MEGF10: variants seen among roughly 807,000 people sequenced by gnomAD.
MEGF10 encodes the protein multiple epidermal growth factor-like domains protein 10.
Under a neutral mutation model 147.5 loss-of-function variants are expected in MEGF10, and 86 were observed. That is an observed-to-expected ratio of 0.58 (90% CI 0.49 to 0.70). The LOEUF (loss-of-function observed/expected upper bound fraction) is 0.70, where lower values mean the gene tolerates loss of function less well. Ranked by LOEUF, MEGF10 falls within the 30% of genes least tolerant of loss-of-function variation. MEGF10 has a pLI of 0.00. For missense variants in MEGF10, 1,329 were observed against 1,487.3 expected, an observed-to-expected ratio of 0.89 and a Z score of 1.75; for synonymous variants, 478 against 525.5, an observed-to-expected ratio of 0.91 and a Z score of 1.24.
chr5:127,391,143 CACACACACACAT>C lies in MEGF10; in HGVS notation c.413-5385_413-5374del, dbSNP rs1561614959. Among the ~76,000 whole-genome samples, 164 of 102,622 alleles carry C rather than the reference CACACACACACAT, an allele frequency of 1.6e-3. 2 individuals carry two copies. The highest frequency in any genetic ancestry group is 7.8e-3 in the East Asian group (28 of 3,584). 67.3% of individuals were successfully genotyped at this position (102,622 alleles called of 152,430 possible). The stretch of plus-strand genomic sequence containing the variant: ...ACACACACACACACACACACACACA[CACACACACACAT>C]ACATGCTTATTTCTTTAGGAAAAAC... On this transcript the variant is annotated intron_variant, in intron 5 of 24. Transcript: ENST00000503335.
the MEGF10 span, among the ~76,000 whole-genome samples, chr5:127,242,545 A>C: frequency 6.6e-6 from 1 of 152,244 alleles, no homozygotes; most frequent in South Asian, 2.1e-4. Flanking sequence ...CAGAATGCTC[A>C]TTAAAGTGGA....
chr5:127,457,408 A>G lies in MEGF10; in HGVS notation c.*90A>G. 4 of 1,391,338 alleles carry G rather than the reference A, an allele frequency of 2.9e-6. No homozygotes were observed. Among genetic ancestry groups the G allele is most frequent in the Non-Finnish European group, 2.9e-6 (3 of 1,043,302 alleles). 86.2% of individuals were successfully genotyped at this position (1,391,338 alleles called of 1,614,324 possible). On this transcript the variant is annotated 3_prime_UTR_variant, in exon 25 of 25. Transcript: ENST00000503335. The stretch of plus-strand genomic sequence containing the variant: ...CCTCAATTTTGCCACTTTCATGTGA[A>G]TGTTAGTCAATTCGGTGGGCAATTT...
intron 17 of MEGF10, among the ~76,000 whole-genome samples, chr5:127,439,160 A>G (rs931230413): frequency 1.3e-5 from 2 of 152,128 alleles, no homozygotes; most frequent in Non-Finnish European, 2.9e-5. Flanking sequence ...TCTTTTCCCC[A>G]TTTTGTAATT....
Position 127,396,621 on chromosome 5 carries a change from C to T in MEGF10, c.502C>T (p.His168Tyr). Residue 168 changes from histidine to tyrosine, a missense_variant, in exon 6 of 25, where the codon CAC becomes TAC. This residue lies in a region of MEGF10 where 980 missense variants were observed against 1,085.9 expected (regional missense o/e 0.90). Transcript: ENST00000503335. Reference sequence around the variant, plus strand: ...GTGCAACCCCATCACCGGGGCTTGCCACTGTGCTGCGGGCTTCCGGGGCTG... The same window carrying T: ...GTGCAACCCCATCACCGGGGCTTGCTACTGTGCTGCGGGCTTCCGGGGCTG... ...ALCNPITGACHCAAGFRGWRC... is the reference protein window; with the variant it reads ...ALCNPITGACYCAAGFRGWRC... The T allele has an allele frequency of 6.2e-7, 1 of 1,613,744 alleles. No homozygotes were observed. Among genetic ancestry groups the T allele is most frequent in the Non-Finnish European group, 8.5e-7 (1 of 1,179,784 alleles).
At chr5:127,430,490 A>G (rs1016544606) in intron 13 of MEGF10, among the ~76,000 whole-genome samples, 10 of 152,168 alleles carry the variant, frequency 6.6e-5, no homozygotes, top group African/African-American at 2.4e-4. Flanking sequence ...TTAGAGAAAC[A>G]CTTACCCAAC....
At chr5:127,379,787 A>C (rs1041320506) in intron 5 of MEGF10, among the ~76,000 whole-genome samples, 5 of 151,678 alleles carry the variant, frequency 3.3e-5, no homozygotes, top group African/African-American at 1.2e-4. Flanking sequence ...TTTAGTAGAG[A>C]TGGGATTTCA....
At chr5:127,287,518 C>A (rs184644017), upstream of MEGF10, among the ~76,000 whole-genome samples, 124 of 151,932 alleles carry the variant, frequency 8.2e-4, no homozygotes, top group Non-Finnish European at 1.4e-3. Flanking sequence ...CTTAGGGATT[C>A]ATTTTTTAAA....
chr5:127,433,468 GCGAGT>G lies in MEGF10; in HGVS notation c.1800_1804del (p.Cys600TrpfsTer45). 1 of 1,613,622 alleles carries G rather than the reference GCGAGT, an allele frequency of 6.2e-7. No individual in the cohort carries two copies. Among genetic ancestry groups the G allele is most frequent in the Non-Finnish European group, 8.5e-7 (1 of 1,179,792 alleles). On this transcript the variant is annotated frameshift_variant, in exon 14 of 25. Transcript: ENST00000503335. LOFTEE classifies it high-confidence loss of function. ...TCATGCTCCCCTGATGATGGCATCT[GCGAGT>G]GTGCACCAGGCTTCCGAGGCACCAC...
At chr5:127,232,733 G>A in the MEGF10 span, among the ~76,000 whole-genome samples, 1 of 152,228 alleles carries the variant, frequency 6.6e-6, no homozygotes, top group East Asian at 1.9e-4. Flanking sequence ...AGTATTTGAA[G>A]ATAGAAAAGA....
intron 1 of MEGF10, among the ~76,000 whole-genome samples, chr5:127,315,683 A>G (rs1393559218): frequency 6.6e-6 from 1 of 152,110 alleles, no homozygotes; most frequent in Non-Finnish European, 1.5e-5. Context: ...CTGAGGTGAG[A>G]GGATCCATTC....
chr5:127,366,834 G>A (rs1481475591), intron 4 of MEGF10, among the ~76,000 whole-genome samples: 1 of 152,108 alleles, frequency 6.6e-6, no homozygotes, highest in Non-Finnish European at 1.5e-5. Flanking sequence ...TCTGAAGCAG[G>A]TCTCCTTTGA....
At chr5:127,283,064 C>G in the MEGF10 span, among the ~76,000 whole-genome samples, 1 of 152,102 alleles carries the variant, frequency 6.6e-6, no homozygotes. Context: ...TTCTGGAATC[C>G]CTCAGTGTTG....
At position 127,396,551 on chromosome 5, in the gene MEGF10, G is replaced by A; in HGVS notation, c.432G>A (p.Trp144Ter). 2 of 1,560,286 alleles carry A rather than the reference G, an allele frequency of 1.3e-6. No individual in the cohort carries two copies. The highest frequency in any genetic ancestry group is 1.7e-6 in the Non-Finnish European group (2 of 1,149,592). The change falls in exon 6 of 25, where the codon TGG becomes TGA. Residue 144 changes from tryptophan (W) to a stop codon, truncating the protein, a stop_gained. Coordinates refer to ENST00000503335, the MANE Select transcript of MEGF10 (RefSeq NM_001256545.2). LOFTEE classifies it high-confidence loss of function. Reference sequence around the variant, plus strand: ...TCTCAGCCTGCGATGGTGATCACTGGGGTCCCCACTGCACCAGCCGGTGCC... The same window carrying A: ...TCTCAGCCTGCGATGGTGATCACTGAGGTCCCCACTGCACCAGCCGGTGCC... The part of the protein sequence containing the change: ...NCSSACDGDH[W>*]GPHCTSRCQC...
At chr5:127,438,614 G>A (rs750757251) in intron 17 of MEGF10, 47 bp downstream of exon 17, 3 of 1,604,470 alleles carry the variant, frequency 1.9e-6, no homozygotes, top group Non-Finnish European at 2.6e-6. Context: ...CCTTGTCCAA[G>A]GAGGAAACAG....
chr5:127,435,462 G>A lies in MEGF10; in HGVS notation c.2077G>A (p.Gly693Ser), dbSNP rs1580867639. 6.2e-7 allele frequency: 1 copy of A among 1,613,738 alleles called. No homozygotes were observed. The highest frequency in any genetic ancestry group is 8.5e-7 in the Non-Finnish European group (1 of 1,179,842). ...PIDRSCQCYPGWIGSDCSQPC... is the reference protein window; with the variant it reads ...PIDRSCQCYPSWIGSDCSQPC... ...TGACAGATCTTGTCAGTGTTACCCC[G>A]GTTGGATTGGCAGTGACTGCTCTCA... The change falls in exon 16 of 25, where the codon GGT (glycine) becomes AGT (serine). Residue 693 changes from glycine to serine, a missense_variant. Physicochemically the swap from Gly to Ser is moderately conservative, Grantham distance 56 (BLOSUM62 0). This residue lies in a region of MEGF10 where 980 missense variants were observed against 1,085.9 expected (regional missense o/e 0.90). Coordinates refer to ENST00000503335, the MANE Select transcript of MEGF10 (RefSeq NM_001256545.2).
chr5:127,325,680 A>G (rs985983912), intron 1 of MEGF10, among the ~76,000 whole-genome samples: 4 of 152,014 alleles, frequency 2.6e-5, no homozygotes, highest in Non-Finnish European at 2.9e-5. Context: ...GGACATTGTC[A>G]GTGACTTGCC....
chr5:127,305,417 C>T (rs1401252210), intron 1 of MEGF10, among the ~76,000 whole-genome samples: 1 of 152,180 alleles, frequency 6.6e-6, no homozygotes, highest in African/African-American at 2.4e-5. Context: ...TGAGGAAACA[C>T]TTCACCTAGC....
chr5:127,245,821 A>G, the MEGF10 span, among the ~76,000 whole-genome samples: 1 of 152,248 alleles, frequency 6.6e-6, no homozygotes, highest in African/African-American at 2.4e-5. Flanking sequence ...TCTCAAAAGA[A>G]GACATTTATG....
At chr5:127,442,927 G>T (rs1765808539) in intron 18 of MEGF10, 71 bp from the exon 19 acceptor site, 2 of 1,525,054 alleles carry the variant, frequency 1.3e-6, no homozygotes, top group Non-Finnish European at 1.8e-6. Context: ...GATGTGCAGG[G>T]CTTGCAGTCA....
Sources: gnomAD v4.1 joint callset for allele counts (sites outside exome capture counted in the v4.1 genomes callset) on GRCh38, gnomAD v4.1.1 for gene constraint, gnomAD v4.1.1 regional missense constraint, MANE v1.5 for transcripts, NCBI Gene and HGNC (gene_info 2026-07-23, HGNC 2026-07-21) for gene names.